GALNT7: variants seen among roughly 807,000 people sequenced by gnomAD.
GALNT7 encodes N-acetylgalactosaminyltransferase 7.
GALNT7 carries 60 observed loss-of-function variants against 82.1 expected under a neutral mutation model. The ratio of observed to expected loss-of-function variants is 0.73; its 90% CI spans 0.59 to 0.91. The LOEUF is 0.91. GALNT7 is among the 40% of genes least tolerant of loss of function. The pLI is 0.00. For missense variants in GALNT7, 660 were observed against 804.2 expected, an observed-to-expected ratio of 0.82 and a Z score of 2.17; for synonymous variants, 243 against 275.1, an observed-to-expected ratio of 0.88 and a Z score of 1.15.
intron 2 of GALNT7, among the ~76,000 whole-genome samples, chr4:173,265,893 A>G (rs1579970173): frequency 6.6e-6 from 1 of 152,158 alleles, no homozygotes; most frequent in African/African-American, 2.4e-5. Context: ...TGGGAGTCAC[A>G]TGGTAGCTTT....
intron 2 of GALNT7, among the ~76,000 whole-genome samples, chr4:173,284,725 A>T (rs973644704): frequency 6.6e-6 from 1 of 151,264 alleles, no homozygotes; most frequent in African/African-American, 2.5e-5. Context: ...AAATTTGAAA[A>T]AAAAAACAAC....
At chr4:173,269,683 C>T (rs1735650759) in intron 2 of GALNT7, among the ~76,000 whole-genome samples, 1 of 152,072 alleles carries the variant, frequency 6.6e-6, no homozygotes, top group Non-Finnish European at 1.5e-5. Context: ...CTAGCTTTGA[C>T]TTTTTTCAGG....
At chr4:173,261,544 T>A (rs1443935233) in intron 2 of GALNT7, among the ~76,000 whole-genome samples, 2 of 152,176 alleles carry the variant, frequency 1.3e-5, no homozygotes, top group Non-Finnish European at 2.9e-5. Flanking sequence ...CAGCTGGGCA[T>A]GGCAGCTCAC....
At chr4:173,252,217 G>A (rs999522939) in intron 2 of GALNT7, among the ~76,000 whole-genome samples, 4 of 152,200 alleles carry the variant, frequency 2.6e-5, no homozygotes, top group South Asian at 2.1e-4. Context: ...TTGTGCACAT[G>A]AGGATGCACC....
chr4:173,303,726 G>C (rs898539212), intron 7 of GALNT7, among the ~76,000 whole-genome samples: 1 of 152,216 alleles, frequency 6.6e-6, no homozygotes, highest in Non-Finnish European at 1.5e-5. Context: ...ACTTTGCAAG[G>C]TTATATTGGG....
chr4:173,272,253 A>G (rs1398082761), intron 2 of GALNT7, among the ~76,000 whole-genome samples: 2 of 152,142 alleles, frequency 1.3e-5, no homozygotes, highest in East Asian at 1.9e-4. Flanking sequence ...CTCCCCCTGT[A>G]TATGGACTAT....
intron 9 of GALNT7, among the ~76,000 whole-genome samples, chr4:173,315,549 A>G (rs1737567120): frequency 6.6e-6 from 1 of 152,202 alleles, no homozygotes. Context: ...AGAGAAGACT[A>G]GACCCATCCG....
chr4:173,244,397 A>C (rs79302782), intron 1 of GALNT7, among the ~76,000 whole-genome samples: 527 of 152,304 alleles, frequency 3.5e-3, no homozygotes, highest in Middle Eastern at 0.01. Context: ...GGAAAGAAAC[A>C]TGTTGATGTA....
At chr4:173,217,580 A>G (rs1733511427) in intron 1 of GALNT7, among the ~76,000 whole-genome samples, 1 of 152,196 alleles carries the variant, frequency 6.6e-6, no homozygotes, top group Admixed American at 6.5e-5. Flanking sequence ...TAGCTTTCTT[A>G]TTTAAATTGG....
intron 8 of GALNT7, among the ~76,000 whole-genome samples, chr4:173,305,449 A>G (rs1737117767): frequency 2.0e-5 from 3 of 152,036 alleles, no homozygotes; most frequent in Admixed American, 2.0e-4. Flanking sequence ...CCATTAGTCT[A>G]TTTTTATTTT....
intron 1 of GALNT7, among the ~76,000 whole-genome samples, chr4:173,179,070 C>G (rs1008328369): frequency 7.9e-5 from 12 of 152,238 alleles, no homozygotes; most frequent in African/African-American, 2.9e-4. Context: ...TTTGTAGTTA[C>G]CTTTATGAAA....
At chr4:173,219,995 A>T (rs1423612914) in intron 1 of GALNT7, among the ~76,000 whole-genome samples, 1 of 152,118 alleles carries the variant, frequency 6.6e-6, no homozygotes, top group Non-Finnish European at 1.5e-5. Context: ...TTTTTAGTTC[A>T]ATTAAGTCCT....
chr4:173,299,182 G>A (rs1331357990), intron 6 of GALNT7, among the ~76,000 whole-genome samples: 1 of 152,156 alleles, frequency 6.6e-6, no homozygotes, highest in Non-Finnish European at 1.5e-5. Context: ...CAATGTTATG[G>A]AAACGCTGTG....
At chr4:173,318,669 C>A (rs1322393614) in intron 11 of GALNT7, 110 bp downstream of exon 11, 3 of 719,286 alleles carry the variant, frequency 4.2e-6, no homozygotes, top group African/African-American at 1.8e-5. Flanking sequence ...AATTCACTTG[C>A]ATTTTCCTCT....
At chr4:173,285,550 T>A (rs1579990230) in intron 2 of GALNT7, among the ~76,000 whole-genome samples, 1 of 152,250 alleles carries the variant, frequency 6.6e-6, no homozygotes, top group East Asian at 1.9e-4. Context: ...TTACCAATAA[T>A]TCTTGTCTGT....
chr4:173,297,414 A>G lies in GALNT7; in HGVS notation c.966-701A>G, dbSNP rs73872544. 9.9e-3 allele frequency among the ~76,000 whole-genome samples: 1,506 copies of G among 152,318 alleles called. 26 individuals are homozygous for G. The highest frequency in any genetic ancestry group is 0.034 in the African/African-American group (1,428 of 41,554). On this transcript the variant is annotated intron_variant, in intron 5 of 11. Transcript: ENST00000265000. Reference sequence around the variant, plus strand: ...TATCTGTGACCCCACACACACGCACACGCATGCACACGCACACGTGAGCTT... The same window carrying G: ...TATCTGTGACCCCACACACACGCACGCGCATGCACACGCACACGTGAGCTT...
intron 2 of GALNT7, among the ~76,000 whole-genome samples, chr4:173,286,992 G>A (rs535913591): frequency 6.6e-6 from 1 of 152,242 alleles, no homozygotes; most frequent in South Asian, 2.1e-4. Context: ...CTTGGTTGGG[G>A]GACAGAGGAG....
At chr4:173,240,768 A>C (rs1398392853) in intron 1 of GALNT7, among the ~76,000 whole-genome samples, 2 of 152,192 alleles carry the variant, frequency 1.3e-5, no homozygotes, top group African/African-American at 2.4e-5. Context: ...AATTGAAATA[A>C]ATCTGGTGGG....
chr4:173,297,725 T>G (rs1736770630), intron 5 of GALNT7: 1 of 652,248 alleles, frequency 1.5e-6, no homozygotes, highest in East Asian at 3.1e-5. Flanking sequence ...CAAAAAGAGA[T>G]AACGTAGTTA....
Sources: allele counts gnomAD v4.1 joint callset (sites outside exome capture counted in the v4.1 genomes callset), GRCh38; gene constraint gnomAD v4.1.1; transcripts MANE v1.5; gene names NCBI Gene and HGNC (gene_info 2026-07-23, HGNC 2026-07-21).